The following ADCK5 variants were observed in gnomAD, a reference collection of about 807,000 sequenced individuals.
ADCK5 encodes the protein uncharacterized aarF domain-containing protein kinase 5.
Under a neutral mutation model 64.9 loss-of-function variants are expected in ADCK5, and 43 were observed. The ratio of observed to expected loss-of-function variants is 0.66; its 90% CI spans 0.52 to 0.85. The LOEUF (loss-of-function observed/expected upper bound fraction) is 0.85. Ranked by LOEUF, ADCK5 falls within the 40% of genes least tolerant of loss-of-function variation. The pLI, the probability that ADCK5 is intolerant of heterozygous loss-of-function variation, is 0.00. For missense variants in ADCK5, 760 were observed against 810.5 expected, an observed-to-expected ratio of 0.94 and a Z score of 0.76; for synonymous variants, 434 against 342.8, an observed-to-expected ratio of 1.27 and a Z score of -2.94.
intron 3 of ADCK5, among the ~76,000 whole-genome samples, chr8:144,388,749 C>T (rs1183875471): frequency 2.0e-5 from 3 of 150,412 alleles, no homozygotes; most frequent in African/African-American, 7.4e-5. Context: ...GGCGACAGAG[C>T]GAGACTCCGT....
intron 3 of ADCK5, among the ~76,000 whole-genome samples, chr8:144,383,705 T>C (rs1325446651): frequency 6.6e-6 from 1 of 152,130 alleles, no homozygotes; most frequent in Non-Finnish European, 1.5e-5. Context: ...GGGCCCTTTC[T>C]TCCTCCATTA....
At chr8:144,382,444 T>C (rs1170366987) in intron 2 of ADCK5, among the ~76,000 whole-genome samples, 2 of 152,230 alleles carry the variant, frequency 1.3e-5, no homozygotes, top group Non-Finnish European at 2.9e-5. Context: ...TTGGCAAGTA[T>C]TGGACTCCTG....
At position 144,392,492 on chromosome 8, in the gene ADCK5, G is replaced by C; in HGVS notation, c.1315G>C (p.Gly439Arg). Reference sequence around the variant, plus strand: ...GCTCATGCAGCGCCCCGTGCGCCTGGGGCAGCTGTGGGGCTCGCACCTACT... The same window carrying C: ...GCTCATGCAGCGCCCCGTGCGCCTGCGGCAGCTGTGGGGCTCGCACCTACT... ...EMLMQRPVRL[G>R]QLWGSHLLSR... Residue 439 changes from glycine (G) to arginine (R), a missense_variant, in exon 13 of 15, where the codon GGG (glycine) becomes CGG (arginine). By Grantham distance (125) the Gly-to-Arg change is moderately radical (BLOSUM62 -2). This residue lies in a region of ADCK5 where 333 missense variants were observed against 292.0 expected (regional missense o/e 1.14). Coordinates refer to ENST00000308860, the MANE Select transcript of ADCK5 (RefSeq NM_174922.5). 1.3e-6 allele frequency: 2 copies of C among 1,527,110 alleles called. No individual in the cohort carries two copies. Among genetic ancestry groups the C allele is most frequent in the South Asian group, 2.4e-5 (2 of 83,978 alleles). The allele number at this position is 1,527,110 out of a possible 1,614,324, so 94.6% of individuals were successfully genotyped here.
chr8:144,376,052 T>G lies in ADCK5; in HGVS notation c.12+1945T>G, dbSNP rs1819351135. On this transcript the variant is annotated intron_variant, in intron 1 of 14. Coordinates refer to ENST00000308860, the MANE Select transcript of ADCK5 (RefSeq NM_174922.5). The surrounding 1 kb of genome is among the most constrained non-coding windows in gnomAD (Gnocchi z 5.1). ...CCCCAACCCATAACCTCTCTGGGCC[T>G]TGGGGACCTCTCCTGTGTGATGGGA... 6.6e-6 allele frequency among the ~76,000 whole-genome samples: 1 copy of G among 152,148 alleles called. No individual in the cohort carries two copies. The highest frequency in any genetic ancestry group is 2.4e-5 in the African/African-American group (1 of 41,418).
chr8:144,386,286 A>G (rs1362226808), intron 3 of ADCK5, among the ~76,000 whole-genome samples: 3 of 151,880 alleles, frequency 2.0e-5, no homozygotes, highest in Non-Finnish European at 4.4e-5. Flanking sequence ...GGCTGGGATT[A>G]CAGGTGTGAG....
chr8:144,389,212 T>C (rs1820088593), intron 3 of ADCK5: 3 of 455,322 alleles, frequency 6.6e-6, no homozygotes, highest in Middle Eastern at 3.3e-4. Context: ...GCTCAACAGA[T>C]ACCCAGGATG....
intron 3 of ADCK5, among the ~76,000 whole-genome samples, chr8:144,385,325 G>A (rs79442038): frequency 2.6e-5 from 4 of 151,462 alleles, no homozygotes; most frequent in Non-Finnish European, 4.4e-5. Context: ...CTGGGATTTC[G>A]GGTGTGTGGC....
intron 3 of ADCK5, among the ~76,000 whole-genome samples, chr8:144,385,036 G>C (rs1819848353): frequency 6.6e-6 from 1 of 152,036 alleles, no homozygotes; most frequent in Admixed American, 6.6e-5. Flanking sequence ...GAGCATGGCG[G>C]TGCCAGTGCA....
intron 3 of ADCK5, among the ~76,000 whole-genome samples, chr8:144,389,679 G>A (rs1223259023): frequency 6.6e-6 from 1 of 151,996 alleles, no homozygotes; most frequent in African/African-American, 2.4e-5. Context: ...CTACAGGCAC[G>A]CACCACCATG....
intron 2 of ADCK5, among the ~76,000 whole-genome samples, chr8:144,381,348 C>G (rs1479887538): frequency 4.8e-5 from 6 of 124,642 alleles, no homozygotes; most frequent in Admixed American, 8.7e-5. Flanking sequence ...TCAGGCACCT[C>G]CCGCAGTCAG....
intron 2 of ADCK5, 32 bp downstream of exon 2, chr8:144,379,522 A>T: frequency 6.6e-7 from 1 of 1,525,742 alleles, no homozygotes. Context: ...TGCGCCTCTC[A>T]CCCAGGCAGG....
Position 144,391,073 on chromosome 8 carries a change from G to A in ADCK5, c.543+17G>A. 1 of 1,611,170 alleles carries A rather than the reference G, an allele frequency of 6.2e-7. No homozygotes were observed. The stretch of plus-strand genomic sequence containing the variant: ...TTCCAGGAGGTGAGTGTGCGCTCAG[G>A]CCGAGGGAGGTGGGGCCTCCAGCAG... On this transcript the variant is annotated intron_variant, in intron 5 of 14. Transcript: ENST00000308860.
intron 1 of ADCK5, among the ~76,000 whole-genome samples, chr8:144,377,988 G>A (rs1819440445): frequency 6.6e-6 from 1 of 152,192 alleles, no homozygotes; most frequent in African/African-American, 2.4e-5. Flanking sequence ...CAGGGATGGG[G>A]TGGGTCCCAT....
intron 2 of ADCK5, 87 bp downstream of exon 2, chr8:144,379,577 C>T (rs1819511471): frequency 2.7e-6 from 3 of 1,120,426 alleles, no homozygotes; most frequent in Non-Finnish European, 3.8e-6. Context: ...GTCGAGGGCC[C>T]AAGGCTGGAC....
intron 3 of ADCK5, among the ~76,000 whole-genome samples, chr8:144,383,570 G>C (rs1819775529): frequency 6.6e-6 from 1 of 152,212 alleles, no homozygotes; most frequent in Non-Finnish European, 1.5e-5. Context: ...AGGCTTCTAG[G>C]CTGGCAGAGA....
At chr8:144,390,601 C>A in intron 3 of ADCK5, 70 bp from the exon 4 acceptor site, 1 of 1,491,770 alleles carries the variant, frequency 6.7e-7, no homozygotes, top group Non-Finnish European at 9.2e-7. Flanking sequence ...CATGAGGGCT[C>A]TGACAAGAGG....
chr8:144,385,135 G>A (rs1217627204), intron 3 of ADCK5, among the ~76,000 whole-genome samples: 1 of 151,268 alleles, frequency 6.6e-6, no homozygotes, highest in Non-Finnish European at 1.5e-5. Flanking sequence ...TTGGGACAAT[G>A]TTTCTCTGCC....
chr8:144,385,215 T>C, intron 3 of ADCK5, among the ~76,000 whole-genome samples: 1 of 151,008 alleles, frequency 6.6e-6, no homozygotes, highest in African/African-American at 2.4e-5. Context: ...GACGGAGTCT[T>C]GCTCTGTCAC....
rs1554861808 is a variant in ADCK5 at position 144,393,179 on chromosome 8, G to A, written c.*105G>A. 2 of 1,353,636 alleles carry A rather than the reference G, an allele frequency of 1.5e-6. No individual in the cohort carries two copies. The highest frequency in any genetic ancestry group is 2.9e-5 in the African/African-American group (2 of 67,878). The allele number at this position is 1,353,636 out of a possible 1,614,324, so 83.9% of individuals were successfully genotyped here. The stretch of plus-strand genomic sequence containing the variant: ...GAGCCCCGTGGGCACTCGCACTGGG[G>A]GGCTGTGACAGCAGCTGGGCCAGGA... On this transcript the variant is annotated 3_prime_UTR_variant, in exon 15 of 15. Transcript: ENST00000308860.
Sources: allele counts gnomAD v4.1 joint callset (sites outside exome capture counted in the v4.1 genomes callset), GRCh38; gene constraint gnomAD v4.1.1; regional missense constraint gnomAD v4.1.1; non-coding constraint Gnocchi (gnomAD v3.1); transcripts MANE v1.5; gene names NCBI Gene and HGNC (gene_info 2026-07-23, HGNC 2026-07-21).